The following ARHGAP19 variants were observed in gnomAD, a reference collection of about 807,000 sequenced individuals.
ARHGAP19 encodes the protein Rho GTPase activating protein 19, also known as rho GTPase-activating protein 19.
In ARHGAP19, 48 loss-of-function variants were observed where a neutral mutation model predicts 60.9. The ratio of observed to expected loss-of-function variants is 0.79; its 90% CI spans 0.62 to 1.00. ARHGAP19 has a LOEUF of 1.00. ARHGAP19 is among the 50% of genes least tolerant of loss of function. ARHGAP19 has a pLI of 0.00. For synonymous variants in ARHGAP19, 209 were observed against 215.5 expected, an observed-to-expected ratio of 0.97 and a Z score of 0.27; for missense variants, 562 against 597.2, an observed-to-expected ratio of 0.94 and a Z score of 0.61.
chr10:97,255,332 A>G (rs185573904), intron 6 of ARHGAP19, among the ~76,000 whole-genome samples: 39 of 152,316 alleles, frequency 2.6e-4, no homozygotes, highest in African/African-American at 8.9e-4. Flanking sequence ...TAATCCCAGC[A>G]CTTTGGGAGG....
Position 97,262,627 on chromosome 10 carries a change from T to C in ARHGAP19, c.613+793A>G, listed in dbSNP as rs181244444. ...TTGCAGTGAGCCGAGATTGCACCAT[T>C]GCGCTCCAGCCTAGTGACAGAGCGA... On this transcript the variant is annotated intron_variant, in intron 4 of 11. Coordinates refer to ENST00000358531, the MANE Select transcript of ARHGAP19 (RefSeq NM_032900.6). Among the ~76,000 whole-genome samples, 190 of 152,206 alleles carry C rather than the reference T, an allele frequency of 1.2e-3. 1 individual carries two copies. The highest frequency in any genetic ancestry group is 4.3e-3 in the African/African-American group (177 of 41,544).
intron 1 of ARHGAP19, among the ~76,000 whole-genome samples, chr10:97,272,438 T>C (rs771722555): frequency 1.3e-5 from 2 of 152,188 alleles, no homozygotes; most frequent in Non-Finnish European, 2.9e-5. Context: ...CTTATTTTTC[T>C]ATTTTCTGAA....
intron 1 of ARHGAP19, among the ~76,000 whole-genome samples, chr10:97,273,098 C>G (rs1842980643): frequency 6.6e-6 from 1 of 152,062 alleles, no homozygotes; most frequent in Non-Finnish European, 1.5e-5. Context: ...CCTCGGCCTC[C>G]CAAAGTGCTG....
In ARHGAP19 at chr10:97,277,606, TA is replaced by T. The variant is rs1161632555; in HGVS notation, c.57-11482del. On this transcript the variant is annotated intron_variant, in intron 1 of 11. Transcript: ENST00000358531. ...AAGAATTATCAATAAAAAAATAAATTAAAAAAAATAAATAAATAAATAAAAA... is the reference window on the plus strand; with the variant it reads ...AAGAATTATCAATAAAAAAATAAATTAAAAAAATAAATAAATAAATAAAAA... 1.1e-3 allele frequency: 2 copies of T among 1,764 alleles called. 1 individual carries two copies. Among genetic ancestry groups the T allele is most frequent in the African/African-American group, 1.2e-3 (2 of 1,736 alleles). 0.1% of individuals were successfully genotyped at this position (1,764 alleles called of 1,614,324 possible). A position where few individuals can be genotyped will look rare whatever the true frequency, so the allele number is the denominator to read the frequency against.
chr10:97,239,594 GTGTGTGTGTC>G (rs1393629711), intron 8 of ARHGAP19, among the ~76,000 whole-genome samples: 31 of 113,650 alleles, frequency 2.7e-4, no homozygotes, highest in Non-Finnish European at 5.5e-4. Context: ...GTGTGTGTGT[GTGTGTGTGTC>G]TAAATGTAGT....
intron 11 of ARHGAP19, 24 bp from the exon 12 acceptor site, chr10:97,226,156 CGTTAGACAT>C (rs765597963): frequency 2.7e-5 from 44 of 1,612,596 alleles, no homozygotes; most frequent in Admixed American, 6.7e-5. Flanking sequence ...AAAACAAGAG[CGTTAGACAT>C]GTTCTTAAAT....
Position 97,229,804 on chromosome 10 carries a change from A to T in ARHGAP19, c.1355T>A (p.Ile452Asn). The change falls in exon 10 of 12, where the codon ATT becomes AAT. Residue 452 changes from isoleucine (I) to asparagine (N), a missense_variant. Physicochemically the swap from Ile to Asn is moderately radical, Grantham distance 149. Coordinates refer to ENST00000358531, the MANE Select transcript of ARHGAP19 (RefSeq NM_032900.6). ...KKNPTPESVA[I>N]GELKGTSKEN... ...TTTGCTGGTTCCCTTCAATTCACCA[A>T]TGGCCACAGATTCTGGAGTAGGGTT... 6.2e-7 allele frequency: 1 copy of T among 1,613,048 alleles called. No homozygotes were observed. Among genetic ancestry groups the T allele is most frequent in the Non-Finnish European group, 8.5e-7 (1 of 1,179,404 alleles).
At chr10:97,261,453 C>T (rs941474176) in intron 4 of ARHGAP19, among the ~76,000 whole-genome samples, 3 of 152,108 alleles carry the variant, frequency 2.0e-5, no homozygotes, top group Non-Finnish European at 4.4e-5. Flanking sequence ...TTGCACTAAA[C>T]GAATGAACTG....
intron 9 of ARHGAP19, among the ~76,000 whole-genome samples, chr10:97,232,633 C>T (rs1407459472): frequency 6.6e-6 from 1 of 152,058 alleles, no homozygotes; most frequent in Non-Finnish European, 1.5e-5. Flanking sequence ...GTCAAGTAAG[C>T]CTAATGTCCT....
chr10:97,234,415 T>TAA (rs10592924), intron 9 of ARHGAP19, among the ~76,000 whole-genome samples: 11 of 124,128 alleles, frequency 8.9e-5, no homozygotes, highest in African/African-American at 2.8e-4. Context: ...AAATAAAAAT[T>TAA]AAAAAAAAAA....
chr10:97,235,184 T>C lies in ARHGAP19; in HGVS notation c.1284+33A>G, dbSNP rs538669635. On this transcript the variant is annotated intron_variant, in intron 9 of 11. Coordinates refer to ENST00000358531, the MANE Select transcript of ARHGAP19 (RefSeq NM_032900.6). The stretch of plus-strand genomic sequence containing the variant: ...ATCACATTGTTACATTTCCTAAAAA[T>C]CAATGCTGAAAACGACAGCCCAGCA... 2.1e-5 allele frequency: 33 copies of C among 1,539,516 alleles called. No homozygotes were observed. In the South Asian group the frequency reaches 3.9e-4, roughly 18 times the overall value.
intron 4 of ARHGAP19, among the ~76,000 whole-genome samples, chr10:97,262,835 G>A (rs752940596): frequency 3.3e-5 from 5 of 152,218 alleles, no homozygotes; most frequent in South Asian, 2.1e-4. Context: ...ACTAAAACAC[G>A]TTGGGCACAG....
chr10:97,290,341 T>C (rs537483314), intron 1 of ARHGAP19, among the ~76,000 whole-genome samples: 1 of 152,298 alleles, frequency 6.6e-6, no homozygotes, highest in East Asian at 1.9e-4. Context: ...GAGACTCCCA[T>C]TGCCACTCCC....
intron 2 of ARHGAP19, 55 bp from the exon 3 acceptor site, chr10:97,264,961 A>T: frequency 1.5e-6 from 2 of 1,355,754 alleles, no homozygotes; most frequent in Non-Finnish European, 2.1e-6. Context: ...GTACAAAATC[A>T]TCATACCTAA....
In ARHGAP19 at chr10:97,222,891, C is replaced by T. The variant is rs754591517; in HGVS notation, c.*3231G>A. ...GAGACAGAGTCTAGAGACATCTATT[C>T]CTAAAAATCACCTGGTTGCATGGCC... On this transcript the variant is annotated 3_prime_UTR_variant, in exon 12 of 12. Transcript: ENST00000358531. 6.6e-6 allele frequency: 1 copy of T among 152,172 alleles called. No homozygotes were observed. Among genetic ancestry groups the T allele is most frequent in the Non-Finnish European group, 1.5e-5 (1 of 68,052 alleles). 9.4% of individuals were successfully genotyped at this position (152,172 alleles called of 1,614,324 possible). A position where few individuals can be genotyped will look rare whatever the true frequency, so the allele number is the denominator to read the frequency against.
At chr10:97,270,570 T>C in intron 1 of ARHGAP19, 4 of 1,516,928 alleles carry the variant, frequency 2.6e-6, no homozygotes, top group Middle Eastern at 1.7e-4. Context: ...ACAAACGAAA[T>C]ATACTAAAGT....
At position 97,263,767 on chromosome 10, in the gene ARHGAP19, C is replaced by A; in HGVS notation, c.404-138G>T. 3 of 789,124 alleles carry A rather than the reference C, an allele frequency of 3.8e-6. No individual in the cohort carries two copies. The South Asian group carries it at 5.3e-5, about 14-fold the overall frequency. The allele number at this position is 789,124 out of a possible 1,614,324, so 48.9% of individuals were successfully genotyped here. Reference sequence around the variant, plus strand: ...TCAAGTAAGTTTTTGCCTTTTTTCACCAGGGTAGTTTAGAACCTATTGACC... The same window carrying A: ...TCAAGTAAGTTTTTGCCTTTTTTCAACAGGGTAGTTTAGAACCTATTGACC... On this transcript the variant is annotated intron_variant, in intron 3 of 11. Transcript: ENST00000358531.
intron 4 of ARHGAP19, 100 bp downstream of exon 4, chr10:97,263,320 T>C (rs771997865): frequency 4.2e-6 from 5 of 1,196,122 alleles, no homozygotes; most frequent in South Asian, 2.6e-5. Context: ...CCAATATTAA[T>C]AGAAGTATTT....
chr10:97,223,022 TC>T lies in ARHGAP19; in HGVS notation c.*3099del, dbSNP rs1428728026. 2.6e-5 allele frequency: 4 copies of T among 152,128 alleles called. No homozygotes were observed. The highest frequency in any genetic ancestry group is 5.9e-5 in the Non-Finnish European group (4 of 68,030). The allele number at this position is 152,128 out of a possible 1,614,324, so 9.4% of individuals were successfully genotyped here. A position where few individuals can be genotyped will look rare whatever the true frequency, so the allele number is the denominator to read the frequency against. On this transcript the variant is annotated 3_prime_UTR_variant, in exon 12 of 12. Transcript: ENST00000358531. ...TGTGAGGGAAACTGAACAGAAACGT[TC>T]CTACTCAGGAGGAGAGAATGGCTCT...
Sources: allele counts gnomAD v4.1 joint callset (sites outside exome capture counted in the v4.1 genomes callset), GRCh38; gene constraint gnomAD v4.1.1; transcripts MANE v1.5; gene names NCBI Gene and HGNC (gene_info 2026-07-23, HGNC 2026-07-21).